Variants in DPH6 observed in about 807,000 individuals in gnomAD.
DPH6 encodes the protein diphthamine biosynthesis 6.
Under a neutral mutation model 38.2 loss-of-function variants are expected in DPH6, and 33 were observed. The observed-to-expected ratio is 0.86, with a 90% CI of 0.65 to 1.15. The LOEUF is 1.15. Ranked by LOEUF, DPH6 falls within the 50% of genes most tolerant of loss-of-function variation. The pLI, the probability that DPH6 is intolerant of heterozygous loss-of-function variation, is 0.00. For synonymous variants in DPH6, 108 were observed against 103.0 expected (o/e 1.05, Z -0.30); for missense variants, 325 against 320.0 (o/e 1.02, Z -0.12).
chr15:35,332,413 A>G (rs1031309705), intron 3 of DPH6, among the ~76,000 whole-genome samples: 2 of 152,348 alleles, frequency 1.3e-5, no homozygotes, highest in Non-Finnish European at 2.9e-5. Flanking sequence ...TTAAATGGAA[A>G]GTAATATAAT....
At chr15:35,339,193 T>C (rs1302600658) in intron 3 of DPH6, among the ~76,000 whole-genome samples, 1 of 151,284 alleles carries the variant, frequency 6.6e-6, no homozygotes, top group Admixed American at 6.6e-5. Context: ...AAAAAATATA[T>C]ATATAAATAA....
intron 3 of DPH6, among the ~76,000 whole-genome samples, chr15:35,467,278 C>G: frequency 6.6e-6 from 1 of 152,028 alleles, no homozygotes; most frequent in Non-Finnish European, 1.5e-5. Flanking sequence ...AAAACTAAGA[C>G]CCAAGACTGG....
At chr15:35,301,080 A>G (rs1449926145) in intron 3 of DPH6, among the ~76,000 whole-genome samples, 1 of 152,232 alleles carries the variant, frequency 6.6e-6, no homozygotes, top group Non-Finnish European at 1.5e-5. Flanking sequence ...TATATGAATC[A>G]AGAACCAAAG....
chr15:35,298,120 A>G (rs1478761642), intron 3 of DPH6: 1 of 332,992 alleles, frequency 3.0e-6, no homozygotes, highest in Non-Finnish European at 5.8e-6. Context: ...ACCAACATAT[A>G]TCTTACAAGT....
the DPH6 span, among the ~76,000 whole-genome samples, chr15:35,154,145 G>A: frequency 6.6e-6 from 1 of 152,110 alleles, no homozygotes; most frequent in Non-Finnish European, 1.5e-5. Context: ...TAACAGTAAG[G>A]TATATTACAA....
intron 5 of DPH6, among the ~76,000 whole-genome samples, chr15:35,442,148 TATACTC>T (rs555371826): frequency 1.7e-3 from 259 of 151,570 alleles, no homozygotes; most frequent in African/African-American, 6.0e-3. Flanking sequence ...ATAAGAGACT[TATACTC>T]AGAATATATA....
chr15:35,358,213 T>A (rs574584451), intron 3 of DPH6, among the ~76,000 whole-genome samples: 1 of 152,334 alleles, frequency 6.6e-6, no homozygotes, highest in African/African-American at 2.4e-5. Context: ...ACAGTGTGTC[T>A]AAAGTTTTCT....
intron 3 of DPH6, among the ~76,000 whole-genome samples, chr15:35,505,363 T>A (rs1184900349): frequency 6.6e-6 from 1 of 151,986 alleles, no homozygotes; most frequent in Non-Finnish European, 1.5e-5. Flanking sequence ...AATACACACT[T>A]TACAAAATAA....
chr15:35,351,501 T>C (rs1047235524), intron 3 of DPH6, among the ~76,000 whole-genome samples: 2 of 152,158 alleles, frequency 1.3e-5, no homozygotes, highest in African/African-American at 4.8e-5. Context: ...TCATGTTGAC[T>C]TGTGATTTGA....
At chr15:35,175,795 AC>A in the DPH6 span, among the ~76,000 whole-genome samples, 1 of 152,214 alleles carries the variant, frequency 6.6e-6, no homozygotes, top group South Asian at 2.1e-4. Flanking sequence ...TCCACACTGA[AC>A]GCAGTAAAAG....
At chr15:35,520,797 C>A (rs991377997) in intron 3 of DPH6, 20 of 984,556 alleles carry the variant, frequency 2.0e-5, no homozygotes, top group Non-Finnish European at 2.2e-5. Context: ...TCTAATCATA[C>A]CACCATATCA....
chr15:35,304,898 T>C (rs534144683), intron 3 of DPH6, among the ~76,000 whole-genome samples: 43 of 152,110 alleles, frequency 2.8e-4, no homozygotes, highest in Admixed American at 2.5e-3. Flanking sequence ...CTTACAGAGT[T>C]TGATAATCAA....
chr15:35,544,536 TAGAA>T (rs1205319554), intron 1 of DPH6, among the ~76,000 whole-genome samples: 4 of 152,094 alleles, frequency 2.6e-5, no homozygotes, highest in African/African-American at 7.2e-5. Flanking sequence ...ATAATCTTCT[TAGAA>T]AGATATGTAA....
At chr15:35,160,160 T>C in the DPH6 span, among the ~76,000 whole-genome samples, 2 of 151,940 alleles carry the variant, frequency 1.3e-5, no homozygotes, top group African/African-American at 4.8e-5. Flanking sequence ...GCAGCAAATA[T>C]GCACATGCAT....
chr15:35,377,292 C>A (rs540210729), intron 7 of DPH6, among the ~76,000 whole-genome samples: 2 of 152,114 alleles, frequency 1.3e-5, no homozygotes, highest in Non-Finnish European at 2.9e-5. Context: ...TTCTTCCTTT[C>A]TTCTTTTTTC....
At chr15:35,350,063 A>G (rs2052496623) in intron 3 of DPH6, among the ~76,000 whole-genome samples, 1 of 152,180 alleles carries the variant, frequency 6.6e-6, no homozygotes, top group Non-Finnish European at 1.5e-5. Context: ...TTCTTCAGTG[A>G]AGTCACTGGT....
intron 6 of DPH6, among the ~76,000 whole-genome samples, chr15:35,395,995 A>G (rs1461640908): frequency 1.3e-5 from 2 of 152,188 alleles, no homozygotes; most frequent in Non-Finnish European, 2.9e-5. Flanking sequence ...GAGAAATGTG[A>G]GGGTCATATT....
chr15:35,297,793 C>A (rs1343139315), intron 3 of DPH6, among the ~76,000 whole-genome samples: 1 of 151,562 alleles, frequency 6.6e-6, no homozygotes, highest in African/African-American at 2.4e-5. Flanking sequence ...CCTGCTCCAG[C>A]CACCCCTGTC....
chr15:35,503,347 A>C (rs1467092075), intron 3 of DPH6, among the ~76,000 whole-genome samples: 1 of 151,972 alleles, frequency 6.6e-6, no homozygotes, highest in Non-Finnish European at 1.5e-5. Flanking sequence ...CTGATTTCTA[A>C]CCACACCTGG....
Sources: gnomAD v4.1 joint callset for allele counts (sites outside exome capture counted in the v4.1 genomes callset) on GRCh38, gnomAD v4.1.1 for gene constraint, MANE v1.5 for transcripts, NCBI Gene and HGNC (gene_info 2026-07-23, HGNC 2026-07-21) for gene names.